NEGR1: variants seen among roughly 807,000 people sequenced by gnomAD.
The protein encoded by NEGR1 is neuronal growth regulator 1, also known as IgLON family member 4.
In NEGR1, 10 loss-of-function variants were observed where a neutral mutation model predicts 40.9. The observed-to-expected ratio is 0.24, with a 90% CI of 0.15 to 0.42. The LOEUF (loss-of-function observed/expected upper bound fraction) is 0.42. Ranked by LOEUF, NEGR1 falls within the 10% of genes least tolerant of loss-of-function variation. The pLI is 1.00. For synonymous variants in NEGR1, 185 were observed against 166.8 expected (o/e 1.11, Z -0.84); for missense variants, 352 against 438.9 (o/e 0.80, Z 1.77).
intron 6 of NEGR1, among the ~76,000 whole-genome samples, chr1:71,453,040 T>C (rs1362888371): frequency 6.6e-6 from 1 of 152,176 alleles, no homozygotes. Flanking sequence ...ATGAGGCAAA[T>C]TACTGGAAGA....
chr1:72,218,332 G>GTA (rs1299340686), intron 1 of NEGR1, among the ~76,000 whole-genome samples: 1 of 151,702 alleles, frequency 6.6e-6, no homozygotes, highest in Non-Finnish European at 1.5e-5. Context: ...ATCTTTACTT[G>GTA]TAGGTTATGA....
At chr1:71,802,887 C>T (rs1042532878) in intron 2 of NEGR1, among the ~76,000 whole-genome samples, 7 of 152,140 alleles carry the variant, frequency 4.6e-5, no homozygotes. Flanking sequence ...TACCTCTTGA[C>T]TCACCTATAT....
In NEGR1 at chr1:71,522,448, A is replaced by G. The variant is rs573947881; in HGVS notation, c.940+70369T>C. On this transcript the variant is annotated intron_variant, in intron 6 of 6. Coordinates refer to ENST00000357731, the MANE Select transcript of NEGR1 (RefSeq NM_173808.3). ...ATAATCTCATTTTAAAATCAGAGTA[A>G]TCCTGATATCAAGGAAGTTTGGTGG... Among the ~76,000 whole-genome samples the G allele has an allele frequency of 2.0e-5, 3 of 151,928 alleles. No homozygotes were observed. In the South Asian group the frequency reaches 6.2e-4, roughly 32 times the overall value.
intron 1 of NEGR1, among the ~76,000 whole-genome samples, chr1:72,101,620 A>G (rs1648950332): frequency 6.6e-6 from 1 of 152,082 alleles, no homozygotes; most frequent in Admixed American, 6.6e-5. Flanking sequence ...AGAAGACTGT[A>G]GACTTTTTTT....
At chr1:71,420,566 A>G (rs1646387764) in intron 6 of NEGR1, among the ~76,000 whole-genome samples, 1 of 152,076 alleles carries the variant, frequency 6.6e-6, no homozygotes, top group African/African-American at 2.4e-5. Context: ...CCAGGGTTAA[A>G]AGAAATTTTG....
chr1:72,176,909 A>G (rs1237603119), intron 1 of NEGR1, among the ~76,000 whole-genome samples: 1 of 151,810 alleles, frequency 6.6e-6, no homozygotes, highest in Non-Finnish European at 1.5e-5. Flanking sequence ...TGGAAAAGGA[A>G]TCAAAATCTG....
intron 6 of NEGR1, among the ~76,000 whole-genome samples, chr1:71,523,492 C>A (rs1389471428): frequency 6.6e-6 from 1 of 151,804 alleles, no homozygotes; most frequent in Admixed American, 6.6e-5. Flanking sequence ...AATATTACCA[C>A]CTTCAAACAA....
intron 2 of NEGR1, among the ~76,000 whole-genome samples, chr1:71,863,391 A>G (rs1490685648): frequency 6.6e-6 from 1 of 152,108 alleles, no homozygotes; most frequent in East Asian, 1.9e-4. Flanking sequence ...GTGGGAGATG[A>G]CTGATGAGAA....
At chr1:72,193,972 A>G (rs1652912193) in intron 1 of NEGR1, among the ~76,000 whole-genome samples, 1 of 151,786 alleles carries the variant, frequency 6.6e-6, no homozygotes, top group South Asian at 2.1e-4. Flanking sequence ...AATGATCTTG[A>G]TCTAAGGTAT....
At chr1:71,874,872 C>T (rs1480280687) in intron 2 of NEGR1, among the ~76,000 whole-genome samples, 1 of 152,020 alleles carries the variant, frequency 6.6e-6, no homozygotes, top group Non-Finnish European at 1.5e-5. Context: ...GAGACAGGGT[C>T]TTGCTCTATC....
chr1:72,112,356 T>C (rs535225341), intron 1 of NEGR1, among the ~76,000 whole-genome samples: 1 of 151,774 alleles, frequency 6.6e-6, no homozygotes, highest in South Asian at 2.1e-4. Context: ...TCGTTTATAC[T>C]ATTCTTCATT....
At chr1:71,887,429 C>T (rs544536364) in intron 2 of NEGR1, among the ~76,000 whole-genome samples, 2 of 152,178 alleles carry the variant, frequency 1.3e-5, no homozygotes, top group South Asian at 4.2e-4. Context: ...ACTCTCTGTC[C>T]CAGTCATGAA....
chr1:72,149,685 C>T (rs1295503246), intron 1 of NEGR1, among the ~76,000 whole-genome samples: 2 of 151,546 alleles, frequency 1.3e-5, no homozygotes, highest in Non-Finnish European at 2.9e-5. Context: ...GAGTTCGAGA[C>T]CAGACTGACC....
chr1:72,195,555 A>T (rs1652970803), intron 1 of NEGR1, among the ~76,000 whole-genome samples: 1 of 152,068 alleles, frequency 6.6e-6, no homozygotes, highest in Non-Finnish European at 1.5e-5. Context: ...TTAGACATAA[A>T]CATGATGTAT....
intron 1 of NEGR1, among the ~76,000 whole-genome samples, chr1:72,224,147 G>A (rs1205029699): frequency 1.3e-5 from 2 of 152,048 alleles, no homozygotes; most frequent in Non-Finnish European, 2.9e-5. Context: ...GACTACAGAA[G>A]TGCCTGTCCC....
chr1:72,265,673 C>A (rs1389019124), intron 1 of NEGR1, among the ~76,000 whole-genome samples: 2 of 150,874 alleles, frequency 1.3e-5, no homozygotes, highest in African/African-American at 2.4e-5. Context: ...CTAAGGCATG[C>A]ACTATTAAGC....
intron 6 of NEGR1, among the ~76,000 whole-genome samples, chr1:71,586,405 C>T (rs1649307504): frequency 6.6e-6 from 1 of 152,160 alleles, no homozygotes; most frequent in South Asian, 2.1e-4. Context: ...ACCAAACTAA[C>T]TCCAGTTTTA....
chr1:71,821,247 T>C (rs1658418951), intron 2 of NEGR1, among the ~76,000 whole-genome samples: 1 of 151,936 alleles, frequency 6.6e-6, no homozygotes, highest in Non-Finnish European at 1.5e-5. Flanking sequence ...ATCAATGATA[T>C]TATATTGATC....
At chr1:71,710,908 G>A (rs1267592839) in intron 3 of NEGR1, among the ~76,000 whole-genome samples, 1 of 151,992 alleles carries the variant, frequency 6.6e-6, no homozygotes, top group Non-Finnish European at 1.5e-5. Context: ...GTAACTCAAA[G>A]GATAAGTGCT....
Sources: allele counts gnomAD v4.1 joint callset (sites outside exome capture counted in the v4.1 genomes callset), GRCh38; gene constraint gnomAD v4.1.1; transcripts MANE v1.5; gene names NCBI Gene and HGNC (gene_info 2026-07-23, HGNC 2026-07-21).